DOCK4: variants seen among roughly 807,000 people sequenced by gnomAD.
The protein encoded by DOCK4 is dedicator of cytokinesis protein 4.
DOCK4 carries 97 observed loss-of-function variants against 268.1 expected under a neutral mutation model. The ratio of observed to expected loss-of-function variants is 0.36; its 90% CI spans 0.31 to 0.43. DOCK4 has a LOEUF of 0.43. Among genes scored for constraint, DOCK4 ranks in the 20% least tolerant of loss-of-function variants. The pLI is 1.00. For missense variants in DOCK4, 2,145 were observed against 2,455.7 expected, an observed-to-expected ratio of 0.87 and a Z score of 2.67; for synonymous variants, 954 against 887.2, an observed-to-expected ratio of 1.08 and a Z score of -1.34.
At chr7:112,140,503 G>A (rs933190336) in intron 1 of DOCK4, among the ~76,000 whole-genome samples, 4 of 151,562 alleles carry the variant, frequency 2.6e-5, no homozygotes, top group Non-Finnish European at 4.4e-5. Flanking sequence ...TGTTTTTCAT[G>A]GAAACAAACC....
At chr7:111,953,208 TA>T (rs11419651) in intron 8 of DOCK4, among the ~76,000 whole-genome samples, 180 of 145,480 alleles carry the variant, frequency 1.2e-3, no homozygotes, top group Admixed American at 1.3e-3. Context: ...GACCTTGTCT[TA>T]AAAAAAAAAA....
At chr7:112,109,136 T>A (rs1265970182) in intron 1 of DOCK4, among the ~76,000 whole-genome samples, 1 of 152,192 alleles carries the variant, frequency 6.6e-6, no homozygotes, top group Non-Finnish European at 1.5e-5. Flanking sequence ...CCCAGCCACA[T>A]GGTGCCAAGC....
intron 1 of DOCK4, among the ~76,000 whole-genome samples, chr7:112,023,977 A>G (rs752660491): frequency 6.6e-6 from 1 of 152,248 alleles, no homozygotes; most frequent in Non-Finnish European, 1.5e-5. Flanking sequence ...TCAGTCATAA[A>G]TGCTGTTCAA....
chr7:112,121,471 TTC>T (rs779292983), intron 1 of DOCK4, among the ~76,000 whole-genome samples: 1 of 152,182 alleles, frequency 6.6e-6, no homozygotes, highest in Non-Finnish European at 1.5e-5. Flanking sequence ...GCAAGGTTCC[TTC>T]TCTCTTTTGT....
At position 111,892,197 on chromosome 7, in the gene DOCK4, T is replaced by TATTG. The variant is rs551973744; in HGVS notation, c.1587+3411_1587+3414dup. 2.5e-3 allele frequency among the ~76,000 whole-genome samples: 385 copies of TATTG among 152,278 alleles called. 5 individuals carry two copies. Among genetic ancestry groups the TATTG allele is most frequent in the Middle Eastern group, 6.8e-3 (2 of 294 alleles). ...ATTTTTAAGGCTCGTACAGATTGAT[T>TATTG]ATTGATTGATTGATTGATTTGAGAC... On this transcript the variant is annotated intron_variant, in intron 16 of 52. Transcript: ENST00000428084.
At chr7:112,170,097 A>AT (rs143342845) in intron 1 of DOCK4, among the ~76,000 whole-genome samples, 15,274 of 152,174 alleles carry the variant, frequency 0.1, 946 homozygotes, top group South Asian at 0.14. Flanking sequence ...AAACAAAATT[A>AT]TAAGTGATCG....
intron 8 of DOCK4, among the ~76,000 whole-genome samples, chr7:111,948,796 T>C (rs938714696): frequency 5.9e-5 from 9 of 151,824 alleles, no homozygotes; most frequent in African/African-American, 2.2e-4. Flanking sequence ...GGTTTCACCA[T>C]GTTAGTCAGG....
At chr7:111,962,333 T>G (rs959126658) in intron 8 of DOCK4, among the ~76,000 whole-genome samples, 1 of 152,220 alleles carries the variant, frequency 6.6e-6, no homozygotes, top group African/African-American at 2.4e-5. Context: ...ATAACTAAGA[T>G]TTACTGACCA....
chr7:112,007,919 C>T (rs1361624132), intron 1 of DOCK4, among the ~76,000 whole-genome samples: 2 of 152,090 alleles, frequency 1.3e-5, no homozygotes, highest in African/African-American at 4.8e-5. Context: ...TGCATTGTCA[C>T]CAGTTATTAT....
At chr7:111,874,117 G>A (rs1054886920) in intron 17 of DOCK4, among the ~76,000 whole-genome samples, 7 of 152,046 alleles carry the variant, frequency 4.6e-5, no homozygotes, top group African/African-American at 1.4e-4. Context: ...CCTACTTCCT[G>A]CATCTCACTT....
At chr7:111,755,657 C>T (rs1796972645) in intron 41 of DOCK4, 56 bp from the exon 42 acceptor site, 2 of 1,496,758 alleles carry the variant, frequency 1.3e-6, no homozygotes. Context: ...CTAGCTACTT[C>T]CATGACTAGT....
chr7:111,815,108 TA>T (rs1286219728), intron 27 of DOCK4, among the ~76,000 whole-genome samples: 1 of 152,166 alleles, frequency 6.6e-6, no homozygotes, highest in Non-Finnish European at 1.5e-5. Context: ...GAAGCAAATA[TA>T]AAAAATACTT....
chr7:112,185,576 G>A (rs1470870756), intron 1 of DOCK4, among the ~76,000 whole-genome samples: 2 of 150,782 alleles, frequency 1.3e-5, no homozygotes, highest in Non-Finnish European at 3.0e-5. Flanking sequence ...GACTTCAAAA[G>A]GAAGTCAGAA....
intron 13 of DOCK4, among the ~76,000 whole-genome samples, chr7:111,915,155 C>T (rs533141804): frequency 4.1e-4 from 63 of 152,238 alleles, no homozygotes; most frequent in African/African-American, 1.1e-3. Flanking sequence ...GGAGAGATTA[C>T]GACTGACCCA....
Position 111,977,138 on chromosome 7 carries a change from G to C in DOCK4, c.695C>G (p.Pro232Arg), listed in dbSNP as rs373242077. The change falls in exon 8 of 53, where the codon CCA (proline) becomes CGA (arginine). Residue 232 changes from proline to arginine, a missense_variant. Physicochemically the swap from Pro to Arg is moderately radical, Grantham distance 103. Transcript: ENST00000428084. ...TATCTCCACGTGCAGGTACCTGATT[G>C]GCCGGTTCTCTTTACTGTCAAAGAG... Reference protein sequence around the residue: ...FSLFDSKENRPISERFFLRLN... With the variant: ...FSLFDSKENRRISERFFLRLN... 18 of 1,613,086 alleles carry C rather than the reference G, an allele frequency of 1.1e-5. No individual in the cohort carries two copies. Among genetic ancestry groups the C allele is most frequent in the Admixed American group, 3.3e-5 (2 of 59,900 alleles).
chr7:112,190,615 G>A lies in DOCK4; in HGVS notation c.37+15487C>T, dbSNP rs145048675. 3.3e-5 allele frequency among the ~76,000 whole-genome samples: 5 copies of A among 151,858 alleles called. No homozygotes were observed. The East Asian group carries it at 7.7e-4, about 24-fold the overall frequency. On this transcript the variant is annotated intron_variant, in intron 1 of 52. Coordinates refer to ENST00000428084, the MANE Select transcript of DOCK4 (RefSeq NM_001363540.2). Reference sequence around the variant, plus strand: ...CGGGATGAGATTGCAGACAGGGGCCGATTTAGGAGGGAACTTGTGTACCAT... The same window carrying A: ...CGGGATGAGATTGCAGACAGGGGCCAATTTAGGAGGGAACTTGTGTACCAT...
At chr7:112,159,781 A>T (rs1816925361) in intron 1 of DOCK4, among the ~76,000 whole-genome samples, 1 of 151,020 alleles carries the variant, frequency 6.6e-6, no homozygotes. Flanking sequence ...GTAAGCTTCT[A>T]AAACAAGCAT....
At chr7:111,731,467 T>G (rs1795078512) in intron 52 of DOCK4, among the ~76,000 whole-genome samples, 1 of 152,174 alleles carries the variant, frequency 6.6e-6, no homozygotes, top group Non-Finnish European at 1.5e-5. Context: ...CACTTCATAT[T>G]TGCCTCTGGT....
In DOCK4 at chr7:111,827,045, C is replaced by T. The variant is rs1422169311; in HGVS notation, c.2836-4589G>A. ...CATGAGGCTGCTACACAGACTAGGG[C>T]ATTTTCTTCTTACTTCAAGAACAAT... is the stretch of plus-strand genomic sequence containing the variant. On this transcript the variant is annotated intron_variant, in intron 26 of 52. Transcript: ENST00000428084. 3.9e-5 allele frequency among the ~76,000 whole-genome samples: 6 copies of T among 152,128 alleles called. No homozygotes were observed. The East Asian group carries it at 5.8e-4, about 15-fold the overall frequency.
Sources: gnomAD v4.1 joint callset for allele counts (sites outside exome capture counted in the v4.1 genomes callset) on GRCh38, gnomAD v4.1.1 for gene constraint, MANE v1.5 for transcripts, NCBI Gene and HGNC (gene_info 2026-07-23, HGNC 2026-07-21) for gene names.